Variants in TSC22D3 observed in about 807,000 individuals in gnomAD.
TSC22D3 encodes the protein TSC22 domain family member 3.
In TSC22D3, 4 loss-of-function variants were observed where a neutral mutation model predicts 11.1. That is an observed-to-expected ratio of 0.36 (90% CI 0.18 to 0.83). TSC22D3 has a LOEUF of 0.83. TSC22D3 is among the 40% of genes least tolerant of loss of function. TSC22D3 has a pLI of 0.48. For missense variants in TSC22D3, 118 were observed against 159.4 expected (o/e 0.74, Z 1.40); for synonymous variants, 77 against 70.3 (o/e 1.10, Z -0.48).
At position 107,757,745 on chromosome X, in the gene TSC22D3, C is replaced by T. The variant is rs769027880; in HGVS notation, c.320+17355G>A. ...CCTCCCGTTCCCACAGCCCCTAAGG[C>T]GCCAAGGAGGACCCTAAGGGTTCTT... On this transcript the variant is annotated intron_variant, in intron 1 of 2. Transcript: ENST00000372383. Among the ~76,000 whole-genome samples, 16 of 110,114 alleles carry T rather than the reference C, an allele frequency of 1.5e-4. No individual in the cohort carries two copies. In the South Asian group the frequency reaches 2.8e-3, roughly 19 times the overall value.
intron 1 of TSC22D3, among the ~76,000 whole-genome samples, chrX:107,720,346 C>T (rs763855402): frequency 1.8e-5 from 2 of 111,610 alleles, no homozygotes; most frequent in East Asian, 2.8e-4. Context: ...TGAATGGATC[C>T]CAGGGTCCAC....
At chrX:107,734,878 T>TA (rs781386272) in intron 1 of TSC22D3, among the ~76,000 whole-genome samples, 1,198 of 37,238 alleles carry the variant, frequency 0.032, 65 homozygotes, top group Middle Eastern at 0.054. Context: ...CAACTCTACG[T>TA]AAAAAAAAAA....
chrX:107,739,609 T>C (rs1928301953), intron 1 of TSC22D3, among the ~76,000 whole-genome samples: 1 of 112,406 alleles, frequency 8.9e-6, no homozygotes, highest in Non-Finnish European at 1.9e-5. Context: ...AGCCAGAGTC[T>C]GGAGAAGTTG....
intron 1 of TSC22D3, among the ~76,000 whole-genome samples, chrX:107,738,297 T>C (rs1421873922): frequency 2.7e-5 from 3 of 112,792 alleles, no homozygotes; most frequent in Non-Finnish European, 5.6e-5. Context: ...GTTTTCCTGG[T>C]TAAACACCCC....
At chrX:107,728,658 TG>T (rs1425677306) in intron 1 of TSC22D3, among the ~76,000 whole-genome samples, 1 of 110,859 alleles carries the variant, frequency 9.0e-6, no homozygotes, top group South Asian at 3.8e-4. Flanking sequence ...ATGATGGGAG[TG>T]GGGGGAGGAC....
intron 1 of TSC22D3, among the ~76,000 whole-genome samples, chrX:107,771,980 A>C (rs1929925048): frequency 8.9e-6 from 1 of 112,767 alleles, no homozygotes; most frequent in Admixed American, 9.4e-5. Flanking sequence ...GACCACGTCA[A>C]TATTTAAGTA....
At chrX:107,767,603 C>T (rs1204446245) in intron 1 of TSC22D3, among the ~76,000 whole-genome samples, 1 of 112,359 alleles carries the variant, frequency 8.9e-6, no homozygotes, top group African/African-American at 3.2e-5. Flanking sequence ...CAGATCGCAT[C>T]TTAGCCCCAC....
At chrX:107,716,431 C>G in intron 1 of TSC22D3, 1 of 979,545 alleles carries the variant, frequency 1.0e-6, no homozygotes, top group African/African-American at 2.0e-5. Flanking sequence ...CTGCCCGCCG[C>G]CCCTCTGCCT....
chrX:107,772,520 A>G (rs1929948649), intron 1 of TSC22D3, among the ~76,000 whole-genome samples: 1 of 111,098 alleles, frequency 9.0e-6, no homozygotes, highest in Non-Finnish European at 1.9e-5. Flanking sequence ...CCTAAACCGA[A>G]TTCAGAATCC....
intron 1 of TSC22D3, among the ~76,000 whole-genome samples, chrX:107,768,618 C>T (rs546739773): frequency 4.5e-5 from 5 of 112,152 alleles, no homozygotes; most frequent in African/African-American, 1.6e-4. Context: ...GTCCAGGCCC[C>T]GTGCTGTAAC....
At position 107,727,839 on chromosome X, in the gene TSC22D3, T is replaced by G. The variant is rs759889557; in HGVS notation, c.321-11889A>C. Among the ~76,000 whole-genome samples the G allele has an allele frequency of 2.7e-5, 3 of 112,726 alleles. No individual in the cohort carries two copies. In the South Asian group the frequency reaches 1.1e-3, roughly 41 times the overall value. On this transcript the variant is annotated intron_variant, in intron 1 of 2. Transcript: ENST00000372383. The stretch of plus-strand genomic sequence containing the variant: ...TAAAATGGAGTCTATATTTAAATTA[T>G]TCTCCTGAAGGTCCTAGCAATGTTT...
At chrX:107,732,598 G>A (rs994453105) in intron 1 of TSC22D3, among the ~76,000 whole-genome samples, 4 of 111,261 alleles carry the variant, frequency 3.6e-5, no homozygotes, top group Admixed American at 1.9e-4. Context: ...GTTCCAATCC[G>A]AACGAGTGAA....
intron 1 of TSC22D3, among the ~76,000 whole-genome samples, chrX:107,771,442 G>C (rs763727785): frequency 9.0e-6 from 1 of 111,439 alleles, no homozygotes; most frequent in African/African-American, 3.3e-5. Flanking sequence ...AAAATTAGCC[G>C]AGTGTGGTGG....
chrX:107,742,612 T>C (rs927239777), intron 1 of TSC22D3, among the ~76,000 whole-genome samples: 4 of 111,171 alleles, frequency 3.6e-5, no homozygotes, highest in Non-Finnish European at 7.6e-5. Flanking sequence ...TCTGGCTTTG[T>C]GGAAGTCCGT....
At chrX:107,731,575 T>A (rs1485545508) in intron 1 of TSC22D3, among the ~76,000 whole-genome samples, 1 of 111,749 alleles carries the variant, frequency 8.9e-6, no homozygotes, top group African/African-American at 3.3e-5. Context: ...ACAAATGGAT[T>A]ATGTTGAGTG....
intron 1 of TSC22D3, among the ~76,000 whole-genome samples, chrX:107,729,257 C>T (rs1927777922): frequency 2.7e-5 from 3 of 111,368 alleles, no homozygotes; most frequent in African/African-American, 6.5e-5. Flanking sequence ...CTCATTTATA[C>T]GGTGGCATAG....
chrX:107,721,835 C>G (rs775460034), intron 1 of TSC22D3: 1 of 495,405 alleles, frequency 2.0e-6, no homozygotes, highest in South Asian at 2.9e-5. Flanking sequence ...CCATCTGAAG[C>G]ACTGTCTAGT....
Position 107,775,368 on chromosome X carries a change from T to C in TSC22D3, c.52A>G (p.Asn18Asp). The C allele has an allele frequency of 1.7e-6, 2 of 1,206,212 alleles. No individual in the cohort carries two copies. Among genetic ancestry groups the C allele is most frequent in the Non-Finnish European group, 2.2e-6 (2 of 892,627 alleles). Residue 18 changes from asparagine (N) to aspartate (D), a missense_variant, in exon 1 of 3, where the codon AAC becomes GAC. Physicochemically the swap from Asn to Asp is conservative, Grantham distance 23 (BLOSUM62 1). Transcript: ENST00000372383. Reference protein sequence around the residue: ...CRSPVGLDCCNCCLDLAHRSG... With the variant: ...CRSPVGLDCCDCCLDLAHRSG... Reference sequence around the variant, plus strand: ...CGATGGGCCAGGTCCAGGCAGCAGTTGCAGCAGTCGAGGCCGACAGGTGAG... The same window carrying C: ...CGATGGGCCAGGTCCAGGCAGCAGTCGCAGCAGTCGAGGCCGACAGGTGAG...
At chrX:107,733,550 A>C (rs185917735) in intron 1 of TSC22D3, among the ~76,000 whole-genome samples, 1,691 of 108,955 alleles carry the variant, frequency 0.016, 35 homozygotes, top group African/African-American at 0.053. Context: ...TCTCCCACCC[A>C]ACCCTCATCC....
Sources: gnomAD v4.1 joint callset for allele counts (sites outside exome capture counted in the v4.1 genomes callset) on GRCh38, gnomAD v4.1.1 for gene constraint, MANE v1.5 for transcripts, NCBI Gene and HGNC (gene_info 2026-07-23, HGNC 2026-07-21) for gene names.